Variants in TMEM131 observed in about 807,000 individuals in gnomAD.
TMEM131 encodes the protein 2610524E03Rik.
A neutral mutation model predicts 211.6 loss-of-function variants in TMEM131; 66 were observed. The observed-to-expected ratio is 0.31, with a 90% CI of 0.26 to 0.38. The LOEUF is 0.38. TMEM131 is among the 10% of genes least tolerant of loss of function. The pLI is 1.00. For synonymous variants in TMEM131, 844 were observed against 841.3 expected (o/e 1.00, Z -0.06); for missense variants, 2,036 against 2,299.3 (o/e 0.89, Z 2.34).
chr2:97,981,486 G>A (rs1041160267), intron 1 of TMEM131, among the ~76,000 whole-genome samples: 2 of 152,140 alleles, frequency 1.3e-5, no homozygotes, highest in Admixed American at 6.5e-5. Context: ...CAGTCTCATC[G>A]AAAGTGTTGT....
chr2:97,760,397 CT>C (rs1678762838), intron 38 of TMEM131, 195 bp downstream of exon 38: 1 of 602,850 alleles, frequency 1.7e-6, no homozygotes, highest in Non-Finnish European at 2.9e-6. Flanking sequence ...TCTGGACCCC[CT>C]GGGGAAGGCA....
chr2:97,762,357 A>T lies in TMEM131; in HGVS notation c.4724-157T>A, dbSNP rs1678898315. 13 of 703,484 alleles carry T rather than the reference A, an allele frequency of 1.8e-5. No individual in the cohort carries two copies. The South Asian group carries it at 2.3e-4, about 13-fold the overall frequency. 43.6% of individuals were successfully genotyped at this position (703,484 alleles called of 1,614,324 possible). On this transcript the variant is annotated intron_variant, in intron 35 of 40. Coordinates refer to ENST00000186436, the MANE Select transcript of TMEM131 (RefSeq NM_015348.2). ...ATGTGTTCTGTTTAACAGGTTTTAAAGAGAAAGCAGCCACATCTCTCTGCA... is the reference window on the plus strand; with the variant it reads ...ATGTGTTCTGTTTAACAGGTTTTAATGAGAAAGCAGCCACATCTCTCTGCA...
At chr2:97,758,210 T>TA (rs1678611598) in intron 40 of TMEM131, among the ~76,000 whole-genome samples, 2 of 152,200 alleles carry the variant, frequency 1.3e-5, no homozygotes, top group Admixed American at 1.3e-4. Context: ...GCTGAATAAT[T>TA]ACACATGAAG....
chr2:97,774,507 G>T (rs752079883), intron 32 of TMEM131, among the ~76,000 whole-genome samples: 11 of 152,248 alleles, frequency 7.2e-5, no homozygotes, highest in Non-Finnish European at 1.6e-4. Flanking sequence ...AGGGGACAGG[G>T]TAGTAACCAG....
chr2:97,908,702 T>C lies in TMEM131; in HGVS notation c.250-4A>G. The C allele has an allele frequency of 6.2e-7, 1 of 1,603,658 alleles. No homozygotes were observed. Among genetic ancestry groups the C allele is most frequent in the Non-Finnish European group, 8.5e-7 (1 of 1,172,498 alleles). On this transcript the variant is annotated splice_polypyrimidine_tract_variant and splice_region_variant and intron_variant, in intron 2 of 40. Coordinates refer to ENST00000186436, the MANE Select transcript of TMEM131 (RefSeq NM_015348.2). ...TGAGTCCAAGTGTTGTCTCGGTCTG[T>C]AAAAGGAATAAAATAATGATTAAAA...
At chr2:97,823,004 T>A (rs933310849) in intron 11 of TMEM131, among the ~76,000 whole-genome samples, 1 of 152,176 alleles carries the variant, frequency 6.6e-6, no homozygotes, top group Non-Finnish European at 1.5e-5. Context: ...AATACTATCC[T>A]GCAGCTTGAC....
chr2:97,838,473 C>T (rs1683041745), intron 7 of TMEM131, among the ~76,000 whole-genome samples: 1 of 114,184 alleles, frequency 8.8e-6, no homozygotes, highest in African/African-American at 3.4e-5. Flanking sequence ...GAGACGGAGT[C>T]TCGCCCTGTC....
chr2:97,896,772 T>G (rs1386645955), intron 3 of TMEM131, among the ~76,000 whole-genome samples: 1 of 151,988 alleles, frequency 6.6e-6, no homozygotes. Context: ...AACATGTAGT[T>G]TAAATCTTCT....
At chr2:97,880,998 G>A (rs528836242) in intron 4 of TMEM131, among the ~76,000 whole-genome samples, 1 of 152,146 alleles carries the variant, frequency 6.6e-6, no homozygotes, top group African/African-American at 2.4e-5. Context: ...AGATCAAAGT[G>A]TCACCAAACA....
intron 11 of TMEM131, among the ~76,000 whole-genome samples, chr2:97,819,480 A>C (rs1682005991): frequency 1.3e-5 from 2 of 152,222 alleles, no homozygotes; most frequent in African/African-American, 4.8e-5. Context: ...CTGTTTTACT[A>C]ATGAAATTTC....
At position 97,766,167 on chromosome 2, in the gene TMEM131, T is replaced by C; in HGVS notation, c.4670A>G (p.Lys1557Arg). 1 of 1,614,016 alleles carries C rather than the reference T, an allele frequency of 6.2e-7. No homozygotes were observed. The highest frequency in any genetic ancestry group is 8.5e-7 in the Non-Finnish European group (1 of 1,179,892). Residue 1557 changes from lysine to arginine, a missense_variant, in exon 35 of 41, where the codon AAA (lysine) becomes AGA (arginine). Lys to Arg is a conservative substitution (Grantham distance 26). Transcript: ENST00000186436. Reference sequence around the variant, plus strand: ...ATCCCACTCCGGTGGAGGAGAGTCTTTTTCACCCTCTGAGCTACTGGTGTT... The same window carrying C: ...ATCCCACTCCGGTGGAGGAGAGTCTCTTTCACCCTCTGAGCTACTGGTGTT... ...LGNTSSSEGE[K>R]DSPPPEWDSV...
intron 1 of TMEM131, among the ~76,000 whole-genome samples, chr2:97,931,066 T>C (rs2104455243): frequency 6.6e-6 from 1 of 152,028 alleles, no homozygotes; most frequent in Non-Finnish European, 1.5e-5. Flanking sequence ...CCTATTTATT[T>C]TCAAAATAAA....
chr2:97,951,356 G>A (rs1050574580), intron 1 of TMEM131, among the ~76,000 whole-genome samples: 1 of 152,144 alleles, frequency 6.6e-6, no homozygotes, highest in African/African-American at 2.4e-5. Context: ...CCACACAGCG[G>A]GGTGGAAGGC....
chr2:97,920,499 A>C (rs561718957), intron 2 of TMEM131, among the ~76,000 whole-genome samples: 1 of 152,352 alleles, frequency 6.6e-6, no homozygotes, highest in African/African-American at 2.4e-5. Flanking sequence ...GCCAAACTGA[A>C]GAAATGTCAT....
At chr2:97,890,067 G>A (rs540887900) in intron 3 of TMEM131, among the ~76,000 whole-genome samples, 1 of 152,224 alleles carries the variant, frequency 6.6e-6, no homozygotes, top group East Asian at 1.9e-4. Context: ...CAAGGAGGCT[G>A]AAGTGACCAC....
intron 25 of TMEM131, 118 bp from the exon 26 acceptor site, chr2:97,797,634 A>G: frequency 2.4e-6 from 2 of 828,400 alleles, no homozygotes; most frequent in Non-Finnish European, 3.7e-6. Context: ...ATGCATAAAC[A>G]ATTTTATCTG....
intron 1 of TMEM131, among the ~76,000 whole-genome samples, chr2:97,943,057 G>GAAAAGA (rs1553617870): frequency 9.0e-5 from 7 of 77,674 alleles, no homozygotes; most frequent in Admixed American, 7.0e-4. Context: ...AAGAAAGAAA[G>GAAAAGA]AAAGAAAGAA....
chr2:97,974,092 A>C (rs1193596216), intron 1 of TMEM131, among the ~76,000 whole-genome samples: 1 of 152,214 alleles, frequency 6.6e-6, no homozygotes, highest in South Asian at 2.1e-4. Flanking sequence ...CAAGACAATA[A>C]AACAGGTATT....
Position 97,756,789 on chromosome 2 carries a change from T to C in TMEM131, c.*310A>G, listed in dbSNP as rs967922070. 1 of 217,512 alleles carries C rather than the reference T, an allele frequency of 4.6e-6. No homozygotes were observed. Among genetic ancestry groups the C allele is most frequent in the African/African-American group, 2.3e-5 (1 of 44,016 alleles). The allele number at this position is 217,512 out of a possible 1,614,324, so 13.5% of individuals were successfully genotyped here. A position where few individuals can be genotyped will look rare whatever the true frequency, so the allele number is the denominator to read the frequency against. On this transcript the variant is annotated 3_prime_UTR_variant, in exon 41 of 41. Transcript: ENST00000186436. ...TCAAATCTGTGTTCATACAGATAAA[T>C]AAAGCATGGGGAAGACAGGTGGTGA...
Sources: gnomAD v4.1 joint callset for allele counts (sites outside exome capture counted in the v4.1 genomes callset) on GRCh38, gnomAD v4.1.1 for gene constraint, MANE v1.5 for transcripts, NCBI Gene and HGNC (gene_info 2026-07-23, HGNC 2026-07-21) for gene names.